DLG2: variants seen among roughly 807,000 people sequenced by gnomAD.
DLG2 encodes the protein disks large homolog 2.
A neutral mutation model predicts 132.5 loss-of-function variants in DLG2; 45 were observed. The ratio of observed to expected loss-of-function variants is 0.34; its 90% CI spans 0.27 to 0.44. The LOEUF (loss-of-function observed/expected upper bound fraction) is 0.44, where lower values mean the gene tolerates loss of function less well. DLG2 is among the 20% of genes least tolerant of loss of function. The pLI is 1.00. For synonymous variants in DLG2, 424 were observed against 419.6 expected (o/e 1.01, Z -0.13); for missense variants, 1,045 against 1,196.9 (o/e 0.87, Z 1.87).
intron 6 of DLG2, among the ~76,000 whole-genome samples, chr11:84,965,297 A>G (rs1470843): frequency 0.46 from 69,253 of 151,630 alleles, 17,403 homozygotes; most frequent in African/African-American, 0.66. Flanking sequence ...GTGTGTGTGC[A>G]CGGTTTTAAA....
At chr11:84,135,276 G>C (rs1310907805) in intron 9 of DLG2, among the ~76,000 whole-genome samples, 2 of 152,046 alleles carry the variant, frequency 1.3e-5, no homozygotes, top group Non-Finnish European at 2.9e-5. Context: ...AATCTAGATG[G>C]AAAATTTTCA....
At chr11:85,486,917 A>C (rs1368085297) in intron 3 of DLG2, among the ~76,000 whole-genome samples, 1 of 151,864 alleles carries the variant, frequency 6.6e-6, no homozygotes, top group East Asian at 1.9e-4. Context: ...CACTGCCACC[A>C]CCAAGACCTA....
At chr11:84,172,524 T>C (rs2095848317) in intron 8 of DLG2, among the ~76,000 whole-genome samples, 1 of 71,906 alleles carries the variant, frequency 1.4e-5, no homozygotes, top group Admixed American at 1.7e-4. Flanking sequence ...CATTCTTATT[T>C]ATTTATTTAT....
Position 85,047,225 on chromosome 11 carries a change from T to G in DLG2, c.357+64436A>C, listed in dbSNP as rs543260991. 2.0e-5 allele frequency among the ~76,000 whole-genome samples: 3 copies of G among 152,130 alleles called. No individual in the cohort carries two copies. The East Asian group carries it at 5.8e-4, about 29-fold the overall frequency. On this transcript the variant is annotated intron_variant, in intron 6 of 27. Transcript: ENST00000376104. Reference sequence around the variant, plus strand: ...CCAAGTGCTTGCTGTTCCTAGATTGTTGTCCCTCGATTTTAGTGCATATCT... The same window carrying G: ...CCAAGTGCTTGCTGTTCCTAGATTGGTGTCCCTCGATTTTAGTGCATATCT...
At chr11:84,042,555 T>C (rs1175218117) in intron 11 of DLG2, among the ~76,000 whole-genome samples, 4 of 151,902 alleles carry the variant, frequency 2.6e-5, no homozygotes, top group Admixed American at 6.6e-5. Context: ...CTTTATTATA[T>C]GTCTCTTGGT....
In DLG2 at chr11:83,945,968, T is replaced by TCC. The variant is rs1165931220; in HGVS notation, c.1341-15486_1341-15485insGG. Among the ~76,000 whole-genome samples, 417 of 147,902 alleles carry TCC rather than the reference T, an allele frequency of 2.8e-3. 1 individual carries two copies. The highest frequency in any genetic ancestry group is 0.028 in the Middle Eastern group (8 of 290). On this transcript the variant is annotated intron_variant, in intron 14 of 27. Coordinates refer to ENST00000376104, the MANE Select transcript of DLG2 (RefSeq NM_001142699.3). Reference sequence around the variant, plus strand: ...TCCTTCCTTCCTTTCCTTCCTTCCTTTTCTCTTTCTCTTTCTCTCTCTCTC... The same window carrying TCC: ...TCCTTCCTTCCTTTCCTTCCTTCCTTCCTTCTCTTTCTCTTTCTCTCTCTCTC...
At chr11:85,407,087 G>C (rs1050809080) in intron 3 of DLG2, among the ~76,000 whole-genome samples, 1 of 151,816 alleles carries the variant, frequency 6.6e-6, no homozygotes, top group Non-Finnish European at 1.5e-5. Context: ...CCAATGACCA[G>C]TATGCCTAGA....
intron 17 of DLG2, among the ~76,000 whole-genome samples, chr11:83,788,001 A>G (rs1453266514): frequency 6.6e-6 from 1 of 152,236 alleles, no homozygotes; most frequent in Non-Finnish European, 1.5e-5. Flanking sequence ...ACACACAGTA[A>G]GTATGGGTTT....
chr11:84,828,626 A>G (rs1003993352), intron 6 of DLG2, among the ~76,000 whole-genome samples: 1 of 151,766 alleles, frequency 6.6e-6, no homozygotes, highest in South Asian at 2.1e-4. Flanking sequence ...AGTGAAGCCA[A>G]AAGAATTCTC....
intron 7 of DLG2, among the ~76,000 whole-genome samples, chr11:84,410,919 A>C (rs977689372): frequency 6.6e-6 from 1 of 152,162 alleles, no homozygotes; most frequent in African/African-American, 2.4e-5. Context: ...TCTTATGTTA[A>C]TGTTATTAAA....
At chr11:84,933,939 C>T (rs1326026157) in intron 6 of DLG2, among the ~76,000 whole-genome samples, 1 of 152,070 alleles carries the variant, frequency 6.6e-6, no homozygotes, top group Non-Finnish European at 1.5e-5. Context: ...TTTATTGTGC[C>T]AGTTTTTACA....
Position 83,928,820 on chromosome 11 carries a change from T to C in DLG2, c.1496+1508A>G, listed in dbSNP as rs149996414. On this transcript the variant is annotated intron_variant, in intron 15 of 27. Transcript: ENST00000376104. ...AATTCATAAGAAGTATTTAACAAAA[T>C]GCCTGGCACAGAAGAGCTCAATAAA... Among the ~76,000 whole-genome samples the C allele has an allele frequency of 1.0e-3, 152 of 152,290 alleles. 1 individual carries two copies. The highest frequency in any genetic ancestry group is 3.5e-3 in the African/African-American group (147 of 41,552).
At chr11:84,041,654 TA>T (rs1175862030) in intron 11 of DLG2, among the ~76,000 whole-genome samples, 1 of 152,062 alleles carries the variant, frequency 6.6e-6, no homozygotes, top group African/African-American at 2.4e-5. Context: ...TAGAATTTCC[TA>T]ATTTTAATAT....
intron 9 of DLG2, among the ~76,000 whole-genome samples, chr11:84,106,515 T>C (rs2092924046): frequency 6.6e-6 from 1 of 152,162 alleles, no homozygotes; most frequent in Non-Finnish European, 1.5e-5. Context: ...AAGTGCTTAG[T>C]CCAGGAATAA....
At chr11:83,697,018 C>T (rs998002119) in intron 18 of DLG2, among the ~76,000 whole-genome samples, 1 of 152,214 alleles carries the variant, frequency 6.6e-6, no homozygotes, top group Non-Finnish European at 1.5e-5. Flanking sequence ...TCATTTTACT[C>T]TAAACAAAAA....
chr11:84,323,655 A>G (rs2098416546), intron 7 of DLG2, among the ~76,000 whole-genome samples: 1 of 151,728 alleles, frequency 6.6e-6, no homozygotes, highest in Non-Finnish European at 1.5e-5. Context: ...ACATTCCCCA[A>G]AACAATGCAC....
At chr11:84,068,851 G>C (rs2096715847) in intron 10 of DLG2, among the ~76,000 whole-genome samples, 1 of 152,106 alleles carries the variant, frequency 6.6e-6, no homozygotes, top group South Asian at 2.1e-4. Flanking sequence ...TCATTCCACA[G>C]TAGAAACTAA....
rs567241619 is a variant in DLG2 at position 83,986,492 on chromosome 11, C to T, written c.920-5850G>A. 1.5e-3 allele frequency among the ~76,000 whole-genome samples: 227 copies of T among 150,368 alleles called. 1 individual carries two copies. The highest frequency in any genetic ancestry group is 3.4e-3 in the Admixed American group (51 of 15,030). On this transcript the variant is annotated intron_variant, in intron 11 of 27. Coordinates refer to ENST00000376104, the MANE Select transcript of DLG2 (RefSeq NM_001142699.3). ...CATTTGGGTTGGTTCCAAGTCTTTG[C>T]TATTGTGAATAGTGCCACAATAAAC...
At chr11:84,035,077 G>A (rs547207709) in intron 11 of DLG2, among the ~76,000 whole-genome samples, 8 of 152,032 alleles carry the variant, frequency 5.3e-5, no homozygotes, top group South Asian at 4.2e-4. Flanking sequence ...AACTCACTAC[G>A]TTACAAAGCC....
Sources: gnomAD v4.1 joint callset for allele counts (sites outside exome capture counted in the v4.1 genomes callset) on GRCh38, gnomAD v4.1.1 for gene constraint, MANE v1.5 for transcripts, NCBI Gene and HGNC (gene_info 2026-07-23, HGNC 2026-07-21) for gene names.